FSTL5: variants seen among roughly 807,000 people sequenced by gnomAD.
FSTL5 encodes follistatin like 5.
Under a neutral mutation model 89.1 loss-of-function variants are expected in FSTL5, and 62 were observed. That is an observed-to-expected ratio of 0.70 (90% CI 0.57 to 0.86). The LOEUF is 0.86. Among genes scored for constraint, FSTL5 ranks in the 40% least tolerant of loss-of-function variants. The pLI is 0.00. For synonymous variants in FSTL5, 383 were observed against 346.2 expected, an observed-to-expected ratio of 1.11 and a Z score of -1.18; for missense variants, 1,057 against 1,001.6, an observed-to-expected ratio of 1.06 and a Z score of -0.75.
chr4:161,652,959 T>C (rs1384010350), intron 7 of FSTL5, among the ~76,000 whole-genome samples: 1 of 152,156 alleles, frequency 6.6e-6, no homozygotes, highest in Admixed American at 6.6e-5. Flanking sequence ...ATACACTGAC[T>C]CACATATGAC....
intron 4 of FSTL5, among the ~76,000 whole-genome samples, chr4:161,903,707 G>T (rs1450380356): frequency 6.6e-6 from 1 of 151,408 alleles, no homozygotes; most frequent in African/African-American, 2.4e-5. Flanking sequence ...GCATTTTTTG[G>T]TATTTAGCTA....
At chr4:161,391,941 C>T (rs956887168) in intron 15 of FSTL5, among the ~76,000 whole-genome samples, 1 of 152,158 alleles carries the variant, frequency 6.6e-6, no homozygotes, top group Non-Finnish European at 1.5e-5. Context: ...CTACATTAAA[C>T]GTTTTAGCTA....
intron 5 of FSTL5, among the ~76,000 whole-genome samples, chr4:161,761,183 A>C (rs1740781001): frequency 6.6e-6 from 1 of 152,196 alleles, no homozygotes; most frequent in Non-Finnish European, 1.5e-5. Flanking sequence ...GGCAAGCCCT[A>C]AACTTTTGCA....
chr4:161,415,593 T>C (rs537692305), intron 15 of FSTL5, among the ~76,000 whole-genome samples: 2 of 151,622 alleles, frequency 1.3e-5, no homozygotes, highest in Non-Finnish European at 2.9e-5. Flanking sequence ...TGCTTTGGCT[T>C]TAAAATAATT....
At chr4:161,437,492 G>A (rs1031505741) in intron 15 of FSTL5, among the ~76,000 whole-genome samples, 3 of 146,482 alleles carry the variant, frequency 2.0e-5, no homozygotes, top group Non-Finnish European at 3.0e-5. Flanking sequence ...GCGTGAAACC[G>A]GGAGGCGGAG....
chr4:161,815,919 C>T (rs1457053712), intron 4 of FSTL5, among the ~76,000 whole-genome samples: 1 of 152,136 alleles, frequency 6.6e-6, no homozygotes, highest in Non-Finnish European at 1.5e-5. Flanking sequence ...TGAAAGTCTT[C>T]TCTCCCTTTG....
chr4:161,675,198 A>G (rs924857949), intron 6 of FSTL5, among the ~76,000 whole-genome samples: 3 of 152,294 alleles, frequency 2.0e-5, no homozygotes, highest in African/African-American at 7.2e-5. Flanking sequence ...ACTCTCATTA[A>G]GAAACGTCAC....
chr4:161,506,233 A>ATTT (rs35624791), intron 11 of FSTL5, among the ~76,000 whole-genome samples: 1 of 145,748 alleles, frequency 6.9e-6, no homozygotes, highest in Non-Finnish European at 1.5e-5. Context: ...CACGCCCGGC[A>ATTT]TTTTTTTTTT....
At chr4:162,163,350 TATAAC>T (rs1395781641) in intron 1 of FSTL5, among the ~76,000 whole-genome samples, 1 of 151,208 alleles carries the variant, frequency 6.6e-6, no homozygotes, top group Non-Finnish European at 1.5e-5. Context: ...TAAAGCAAGA[TATAAC>T]ATAATGACAT....
At chr4:161,459,366 G>A in intron 13 of FSTL5, 47 bp from the exon 14 acceptor site, 2 of 1,232,526 alleles carry the variant, frequency 1.6e-6, no homozygotes, top group African/African-American at 1.5e-5. Flanking sequence ...TAAACTATTA[G>A]TTTAAAGCTA....
intron 8 of FSTL5, among the ~76,000 whole-genome samples, chr4:161,583,671 T>A (rs1207218233): frequency 6.6e-6 from 1 of 152,202 alleles, no homozygotes; most frequent in African/African-American, 2.4e-5. Context: ...AACTGGCAAA[T>A]TAGATTAGGA....
chr4:161,971,432 C>T (rs1435733853), intron 3 of FSTL5, among the ~76,000 whole-genome samples: 9 of 151,954 alleles, frequency 5.9e-5, no homozygotes, highest in Non-Finnish European at 8.8e-5. Context: ...AGATTAATTC[C>T]TTATATTCAC....
At chr4:161,757,319 C>T (rs1265966271) in intron 6 of FSTL5, among the ~76,000 whole-genome samples, 1 of 151,952 alleles carries the variant, frequency 6.6e-6, no homozygotes, top group Non-Finnish European at 1.5e-5. Context: ...GTAAATAACA[C>T]CTATTTCCTT....
chr4:162,049,535 T>C (rs1036130505), intron 2 of FSTL5, among the ~76,000 whole-genome samples: 1 of 152,180 alleles, frequency 6.6e-6, no homozygotes, highest in South Asian at 2.1e-4. Context: ...GAGAGTTGCA[T>C]CATGTGGGAG....
chr4:161,508,408 CTT>C (rs1730548505), intron 11 of FSTL5, among the ~76,000 whole-genome samples: 1 of 152,084 alleles, frequency 6.6e-6, no homozygotes, highest in African/African-American at 2.4e-5. Context: ...AAGACGCACA[CTT>C]GTTTTATGTG....
chr4:162,067,497 C>A (rs982185082), intron 2 of FSTL5, among the ~76,000 whole-genome samples: 1 of 151,954 alleles, frequency 6.6e-6, no homozygotes, highest in Non-Finnish European at 1.5e-5. Context: ...TGGGTATATA[C>A]CCAGTAATGG....
chr4:161,533,163 A>T (rs1442018548), intron 10 of FSTL5, among the ~76,000 whole-genome samples: 2 of 141,860 alleles, frequency 1.4e-5, no homozygotes, highest in South Asian at 2.1e-4. Context: ...CAGACTTAGA[A>T]CTAGGAAAAA....
At chr4:161,522,219 G>A (rs1158825941) in intron 10 of FSTL5, among the ~76,000 whole-genome samples, 2 of 152,142 alleles carry the variant, frequency 1.3e-5, no homozygotes, top group Non-Finnish European at 2.9e-5. Context: ...AGAGAATGGG[G>A]TCAAAGATGC....
At chr4:161,626,030 T>C (rs572347631) in intron 7 of FSTL5, among the ~76,000 whole-genome samples, 1 of 152,190 alleles carries the variant, frequency 6.6e-6, no homozygotes, top group South Asian at 2.1e-4. Flanking sequence ...GGTTAGTTCA[T>C]GGAGTTTAAG....
Sources: gnomAD v4.1 joint callset for allele counts (sites outside exome capture counted in the v4.1 genomes callset) on GRCh38, gnomAD v4.1.1 for gene constraint, MANE v1.5 for transcripts, NCBI Gene and HGNC (gene_info 2026-07-23, HGNC 2026-07-21) for gene names.